The following TBC1D3B variants were observed in gnomAD, a reference collection of about 807,000 sequenced individuals.
TBC1D3B encodes Rab GTPase-activating protein PRC17 duplicate.
TBC1D3B carries 2 observed loss-of-function variants against 27.1 expected under a neutral mutation model. That is an observed-to-expected ratio of 0.07 (90% CI 0.03 to 0.23). The LOEUF (loss-of-function observed/expected upper bound fraction) is 0.23. Ranked by LOEUF, TBC1D3B falls within the 10% of genes least tolerant of loss-of-function variation. The probability of loss-of-function intolerance (pLI) is 1.00; values close to 1 mark genes in which losing one functional copy is unlikely to be tolerated. For missense variants in TBC1D3B, 17 were observed against 401.3 expected (o/e 0.04, Z 8.18); for synonymous variants, 3 against 150.1 (o/e 0.02, Z 7.16).
At chr17:36,167,852 AT>A (rs2068283051) in intron 12 of TBC1D3B, among the ~76,000 whole-genome samples, 156 bp from the exon 13 acceptor site, 30,274 of 102,712 alleles carry the variant, frequency 0.29, 1,718 homozygotes, top group Non-Finnish European at 0.38. Context: ...CTGGGGGGCG[AT>A]CCGGACAGGG....
At position 36,165,766 on chromosome 17, in the gene TBC1D3B, G is replaced by C. The variant is rs1166086208; in HGVS notation, c.*229C>G. 77 of 933,350 alleles carry C rather than the reference G, an allele frequency of 8.2e-5. No homozygotes were observed. Among genetic ancestry groups the C allele is most frequent in the African/African-American group, 6.1e-4 (42 of 69,260 alleles). 57.8% of individuals were successfully genotyped at this position (933,350 alleles called of 1,614,324 possible). ...AGTACAAAGGCAGGCTCACGGTGTC[G>C]TCAGAATTCAGAACGATGGTCGTGG... On this transcript the variant is annotated 3_prime_UTR_variant, in exon 14 of 14. Transcript: ENST00000611257.
chr17:36,166,263 T>A lies in TBC1D3B; in HGVS notation c.1382A>T (p.Asp461Val). The A allele has an allele frequency of 5.3e-6, 7 of 1,317,668 alleles. 3 individuals carry two copies. The highest frequency in any genetic ancestry group is 7.5e-6 in the Non-Finnish European group (7 of 935,534). The allele number at this position is 1,317,668 out of a possible 1,614,324, so 81.6% of individuals were successfully genotyped here. A position where few individuals can be genotyped will look rare whatever the true frequency, so the allele number is the denominator to read the frequency against. Reference protein sequence around the residue: ...QWNSMPRLPTDLDVEGPWFRH... With the variant: ...QWNSMPRLPTVLDVEGPWFRH... ...GAACCAAGGCCCCTCTACGTCCAGG[T>A]CCGTTGGGAGGCGGGGCATGGAGTT... Residue 461 changes from aspartate to valine, a missense_variant, in exon 14 of 14, where the codon GAC (aspartate) becomes GTC (valine). Transcript: ENST00000611257.
intron 1 of TBC1D3B, among the ~76,000 whole-genome samples, chr17:36,175,856 C>A (rs1180189477): frequency 8.1e-6 from 1 of 123,584 alleles, no homozygotes; most frequent in Non-Finnish European, 1.8e-5. Context: ...CTGGGGAGAA[C>A]CCTAGTGCCC....
intron 12 of TBC1D3B, 151 bp downstream of exon 12, chr17:36,167,916 G>GGT (rs2068285532): frequency 8.9e-7 from 1 of 1,129,050 alleles, no homozygotes; most frequent in African/African-American, 1.4e-5. Context: ...GGATGGGCTC[G>GGT]GTGTCACAGT....
intron 7 of TBC1D3B, among the ~76,000 whole-genome samples, 175 bp from the exon 8 acceptor site, chr17:36,170,778 G>T (rs1776477484): frequency 1.3e-5 from 1 of 77,398 alleles, no homozygotes; most frequent in African/African-American, 2.9e-5. Flanking sequence ...ATCCACATCT[G>T]TGACATGCAA....
Position 36,165,806 on chromosome 17 carries a change from G to A in TBC1D3B, c.*189C>T, listed in dbSNP as rs1239578204. Reference sequence around the variant, plus strand: ...GATGGTCGTGGGGCTTGGGGTGCTGGGAGGGGCTGGGCATGGTTGGCTTTG... The same window carrying A: ...GATGGTCGTGGGGCTTGGGGTGCTGAGAGGGGCTGGGCATGGTTGGCTTTG... On this transcript the variant is annotated 3_prime_UTR_variant, in exon 14 of 14. Transcript: ENST00000611257. The A allele has an allele frequency of 2.2e-4, 210 of 953,894 alleles. 2 individuals carry two copies. The highest frequency in any genetic ancestry group is 3.1e-4 in the Non-Finnish European group (198 of 630,854). The allele number at this position is 953,894 out of a possible 1,614,324, so 59.1% of individuals were successfully genotyped here.
At chr17:36,169,617 C>T (rs2068320504) in intron 9 of TBC1D3B, among the ~76,000 whole-genome samples, 1 of 134,110 alleles carries the variant, frequency 7.5e-6, no homozygotes, top group Non-Finnish European at 1.8e-5. Context: ...GAGTCAGCTG[C>T]ACAGAATCAG....
chr17:36,171,360 A>T (rs879334758), intron 7 of TBC1D3B, among the ~76,000 whole-genome samples: 1,244 of 149,882 alleles, frequency 8.3e-3, no homozygotes, highest in South Asian at 0.076. Context: ...TATCTGTGAC[A>T]CTTTGGGGAT....
intron 7 of TBC1D3B, among the ~76,000 whole-genome samples, chr17:36,171,414 G>A (rs1402352173): frequency 6.6e-6 from 1 of 150,818 alleles, no homozygotes; most frequent in Non-Finnish European, 1.5e-5. Flanking sequence ...CTGCCCAACT[G>A]GCTGCCAACG....
chr17:36,169,463 C>G (rs1352504915), intron 9 of TBC1D3B, among the ~76,000 whole-genome samples: 5 of 149,914 alleles, frequency 3.3e-5, no homozygotes, highest in Non-Finnish European at 7.5e-5. Flanking sequence ...CTGGGCTTCC[C>G]GGTCATCTCC....
chr17:36,168,931 C>T, intron 10 of TBC1D3B, 149 bp downstream of exon 10: 2 of 636,494 alleles, frequency 3.1e-6, no homozygotes, highest in East Asian at 2.5e-5. Context: ...GAAACCAACT[C>T]CCAGCCCATG....
intron 12 of TBC1D3B, among the ~76,000 whole-genome samples, 165 bp from the exon 13 acceptor site, chr17:36,167,861 G>GCT (rs2068283442): frequency 9.2e-6 from 1 of 108,382 alleles, no homozygotes; most frequent in Admixed American, 8.8e-5. Flanking sequence ...GATCCGGACA[G>GCT]GGAAGTGCTC....
intron 7 of TBC1D3B, among the ~76,000 whole-genome samples, chr17:36,171,551 C>T (rs1207515394): frequency 6.6e-6 from 1 of 151,032 alleles, no homozygotes; most frequent in African/African-American, 2.4e-5. Context: ...GCCACCCTCC[C>T]GTGGGTCCTA....
At chr17:36,172,606 T>C in intron 5 of TBC1D3B, 1 of 494,800 alleles carries the variant, frequency 2.0e-6, no homozygotes. Context: ...TTTTCCTTCC[T>C]TCAGGTCACC....
chr17:36,171,810 A>T (rs2068363044), intron 7 of TBC1D3B, 45 bp downstream of exon 7: 1 of 752,980 alleles, frequency 1.3e-6, no homozygotes, highest in African/African-American at 1.5e-5. Flanking sequence ...CATCCCTCTC[A>T]TTCACCCCAT....
At chr17:36,169,327 G>C (rs2068311564) in intron 9 of TBC1D3B, among the ~76,000 whole-genome samples, 153 bp from the exon 10 acceptor site, 1 of 150,030 alleles carries the variant, frequency 6.7e-6, no homozygotes, top group Non-Finnish European at 1.5e-5. Context: ...TTTACCCTGG[G>C]GAGGTGGGGC....
intron 9 of TBC1D3B, among the ~76,000 whole-genome samples, chr17:36,169,555 T>C (rs2068319015): frequency 6.8e-6 from 1 of 147,308 alleles, no homozygotes; most frequent in African/African-American, 2.4e-5. Context: ...TGGGCACCGA[T>C]GGCAGCAGGA....
At chr17:36,171,358 A>T (rs2068351512) in intron 7 of TBC1D3B, among the ~76,000 whole-genome samples, 1 of 151,104 alleles carries the variant, frequency 6.6e-6, no homozygotes, top group African/African-American at 2.4e-5. Context: ...AATATCTGTG[A>T]CACTTTGGGG....
intron 9 of TBC1D3B, 94 bp from the exon 10 acceptor site, chr17:36,169,268 A>C: frequency 1.3e-6 from 2 of 1,565,816 alleles, no homozygotes; most frequent in Non-Finnish European, 8.8e-7. Context: ...AGGCCCCCAA[A>C]CCCCAAGGCT....
Sources: gnomAD v4.1 joint callset for allele counts (sites outside exome capture counted in the v4.1 genomes callset) on GRCh38, gnomAD v4.1.1 for gene constraint, MANE v1.5 for transcripts, NCBI Gene and HGNC (gene_info 2026-07-23, HGNC 2026-07-21) for gene names.